MCM3AP: variants seen among roughly 807,000 people sequenced by gnomAD.
The protein encoded by MCM3AP is minichromosome maintenance complex component 3 associated protein, also known as germinal-center associated nuclear protein.
In MCM3AP, 126 loss-of-function variants were observed where a neutral mutation model predicts 184.1. The observed-to-expected ratio is 0.68, with a 90% confidence interval of 0.59 to 0.79. MCM3AP has a LOEUF of 0.79. Among genes scored for constraint, MCM3AP ranks in the 30% least tolerant of loss-of-function variants. MCM3AP has a pLI of 0.00. For synonymous variants in MCM3AP, 1,002 were observed against 979.3 expected (o/e 1.02, Z -0.43); for missense variants, 2,496 against 2,479.2 (o/e 1.01, Z -0.14).
At chr21:46,273,686 A>G (rs1478247254) in intron 6 of MCM3AP, 101 bp from the exon 7 acceptor site, 4 of 772,316 alleles carry the variant, frequency 5.2e-6, no homozygotes, top group East Asian at 5.1e-5. Flanking sequence ...ACACCCACAC[A>G]AGATCAGTAT....
At chr21:46,246,493 T>A in intron 21 of MCM3AP, 89 bp from the exon 22 acceptor site, 1 of 1,401,566 alleles carries the variant, frequency 7.1e-7, no homozygotes, top group Non-Finnish European at 1.0e-6. Context: ...CACCCAGTCC[T>A]GCAGTGGACA....
chr21:46,279,884 T>G, intron 4 of MCM3AP, 109 bp downstream of exon 4: 1 of 1,134,046 alleles, frequency 8.8e-7, no homozygotes, highest in Non-Finnish European at 1.2e-6. Context: ...GCAACTGGCT[T>G]TTGTCTCCTC....
At chr21:46,259,904 C>CAAAAAAAAAA (rs58993039) in intron 15 of MCM3AP, among the ~76,000 whole-genome samples, 1 of 80,268 alleles carries the variant, frequency 1.2e-5, no homozygotes, top group African/African-American at 5.2e-5. Context: ...AACTCCATTT[C>CAAAAAAAAAA]AAAAAAAAAA....
intron 9 of MCM3AP, 124 bp from the exon 10 acceptor site, chr21:46,267,266 A>G (rs2081125429): frequency 2.2e-6 from 2 of 894,124 alleles, no homozygotes; most frequent in African/African-American, 3.3e-5. Flanking sequence ...TGAGTCCACC[A>G]GAAGGCGCTT....
Position 46,265,312 on chromosome 21 carries a change from A to T in MCM3AP, c.3234+9T>A. On this transcript the variant is annotated intron_variant, in intron 12 of 27. Coordinates refer to ENST00000291688, the MANE Select transcript of MCM3AP (RefSeq NM_003906.5). ...CCAGAGTCCAGACCTAGAAAAAAAG[A>T]GTCCCTACCTCGTCAGAGTACATGG... The T allele has an allele frequency of 1.9e-6, 3 of 1,613,258 alleles. No individual in the cohort carries two copies. The South Asian group carries it at 3.3e-5, about 18-fold the overall frequency.
chr21:46,246,026 G>A (rs2080760136), intron 22 of MCM3AP, among the ~76,000 whole-genome samples: 3 of 152,282 alleles, frequency 2.0e-5, no homozygotes, highest in Admixed American at 2.0e-4. Flanking sequence ...TTCTGCTTAT[G>A]TTTTTAGAAA....
rs141264232 is a variant in MCM3AP, at chr21:46,277,777, A to G, written c.1668-60T>C. On this transcript the variant is annotated intron_variant, in intron 4 of 27. Transcript: ENST00000291688. ...CCAGGAAGGCCTTCAGAGCATTTTC[A>G]TTTCTGAACACGTCCCCTCATCTTT... is the stretch of plus-strand genomic sequence containing the variant. The G allele has an allele frequency of 2.7e-5, 27 of 1,008,658 alleles. No individual in the cohort carries two copies. The East Asian group carries it at 5.9e-4, about 22-fold the overall frequency. The allele number at this position is 1,008,658 out of a possible 1,614,324, so 62.5% of individuals were successfully genotyped here. A position where few individuals can be genotyped will look rare whatever the true frequency, so the allele number is the denominator to read the frequency against.
At chr21:46,265,245 T>G (rs2081093991) in intron 12 of MCM3AP, 76 bp downstream of exon 12, 1 of 1,396,888 alleles carries the variant, frequency 7.2e-7, no homozygotes. Context: ...CAGCCCCACC[T>G]CATGGGGTGA....
rs1569086364 is a variant in MCM3AP at position 46,284,787 on chromosome 21, G to A, written c.500C>T (p.Thr167Ile). Residue 167 changes from threonine to isoleucine, a missense_variant, in exon 1 of 28, where the codon ACC becomes ATC. Physicochemically the swap from Thr to Ile is moderately conservative, Grantham distance 89 (BLOSUM62 -1). Coordinates refer to ENST00000291688, the MANE Select transcript of MCM3AP (RefSeq NM_003906.5). ...ILGAESEPEK[T>I]QSQIASGFFT... ...AAACCCAGAAGCAATTTGGCTCTGG[G>A]TTTTCTCTGGCTCAGATTCAGCCCC... 2 of 1,613,710 alleles carry A rather than the reference G, an allele frequency of 1.2e-6. No homozygotes were observed. Among genetic ancestry groups the A allele is most frequent in the African/African-American group, 2.7e-5 (2 of 75,004 alleles).
At chr21:46,244,734 G>A in intron 23 of MCM3AP, 73 bp downstream of exon 23, 1 of 1,497,974 alleles carries the variant, frequency 6.7e-7, no homozygotes, top group Non-Finnish European at 9.0e-7. Context: ...CTGCCAGACG[G>A]TTACTACAGT....
intron 3 of MCM3AP, 52 bp downstream of exon 3, chr21:46,280,440 TATAAA>T: frequency 7.6e-7 from 1 of 1,316,962 alleles, no homozygotes; most frequent in Non-Finnish European, 1.1e-6. Flanking sequence ...ATCTCATCTC[TATAAA>T]ATAAATAAAA....
intron 27 of MCM3AP, 41 bp downstream of exon 27, chr21:46,236,788 T>G: frequency 7.1e-7 from 1 of 1,407,292 alleles, no homozygotes. Context: ...CTCTCAATCT[T>G]TAATTCTTAT....
At chr21:46,271,765 G>A (rs1490728211) in intron 8 of MCM3AP, among the ~76,000 whole-genome samples, 1 of 151,954 alleles carries the variant, frequency 6.6e-6, no homozygotes, top group Non-Finnish European at 1.5e-5. Flanking sequence ...GGAGACTGAG[G>A]CAAGAGAATC....
Position 46,285,027 on chromosome 21 carries a change from A to C in MCM3AP, c.260T>G (p.Leu87Arg). The C allele has an allele frequency of 6.2e-7, 1 of 1,614,214 alleles. No individual in the cohort carries two copies. The highest frequency in any genetic ancestry group is 8.5e-7 in the Non-Finnish European group (1 of 1,180,042). ...QTSSVGPFSGLEHTSTFVATS... is the reference protein window; with the variant it reads ...QTSSVGPFSGREHTSTFVATS... ...AGCCACAAAGGTGGAAGTGTGCTCAAGTCCAGAAAAGGGTCCAACACTTGA... is the reference window on the plus strand; with the variant it reads ...AGCCACAAAGGTGGAAGTGTGCTCACGTCCAGAAAAGGGTCCAACACTTGA... The change falls in exon 1 of 28, where the codon CTT becomes CGT. Residue 87 changes from leucine (L) to arginine (R), a missense_variant. Physicochemically the swap from Leu to Arg is moderately radical, Grantham distance 102 (BLOSUM62 -2). Around this residue, in one of 5 missense-constraint regions of MCM3AP, gnomAD observed 800 missense variants for 717.1 expected, o/e 1.12. Coordinates refer to ENST00000291688, the MANE Select transcript of MCM3AP (RefSeq NM_003906.5).
chr21:46,275,093 G>A (rs1208554546), intron 6 of MCM3AP, 93 bp downstream of exon 6: 3 of 1,398,810 alleles, frequency 2.1e-6, no homozygotes, highest in East Asian at 5.1e-5. Flanking sequence ...ACCCAACACT[G>A]TCTAAAACAA....
chr21:46,236,791 A>G, intron 27 of MCM3AP, 38 bp downstream of exon 27: 5 of 1,421,604 alleles, frequency 3.5e-6, no homozygotes, highest in Non-Finnish European at 4.7e-6. Flanking sequence ...TCAATCTTTA[A>G]TTCTTATGTA....
In MCM3AP at chr21:46,272,723, G is replaced by T. The variant is rs1283244633; in HGVS notation, c.2303C>A (p.Ser768Tyr). The change falls in exon 8 of 28, where the codon TCC (serine) becomes TAC (tyrosine). Residue 768 changes from serine (S) to tyrosine (Y), a missense_variant. This residue lies in a region of MCM3AP where 105 missense variants were observed against 97.1 expected (regional missense o/e 1.08). Coordinates refer to ENST00000291688, the MANE Select transcript of MCM3AP (RefSeq NM_003906.5). The part of the protein sequence containing the change: ...CAHFMCEEPM[S>Y]SFDAKINNEN... ...ATTATTGATCTTGGCATCAAAGGAG[G>T]ACATGGGCTCCTCACACATGAAGTG... 6.2e-7 allele frequency: 1 copy of T among 1,613,992 alleles called. No individual in the cohort carries two copies. The highest frequency in any genetic ancestry group is 8.5e-7 in the Non-Finnish European group (1 of 1,179,984).
chr21:46,265,692 A>G (rs537765734), intron 11 of MCM3AP, among the ~76,000 whole-genome samples, 169 bp from the exon 12 acceptor site: 1 of 152,194 alleles, frequency 6.6e-6, no homozygotes, highest in Admixed American at 6.5e-5. Context: ...TGCATGAAAA[A>G]CAAGCCCCAG....
Position 46,280,066 on chromosome 21 carries a change from C to A in MCM3AP, c.1594G>T (p.Asp532Tyr), listed in dbSNP as rs762553193. The change falls in exon 4 of 28, where the codon GAT becomes TAT. Residue 532 changes from aspartate to tyrosine, a missense_variant. Around this residue, in one of 5 missense-constraint regions of MCM3AP, gnomAD observed 800 missense variants for 717.1 expected, o/e 1.12. Transcript: ENST00000291688. Reference protein sequence around the residue: ...GDGEVSPSTEDAPFQHSPLGK... With the variant: ...GDGEVSPSTEYAPFQHSPLGK... ...AGAGGAGAGTGCTGAAAGGGTGCAT[C>A]CTCTGTGCTCGGGCTGACTTCACCG... 2 of 1,614,168 alleles carry A rather than the reference C, an allele frequency of 1.2e-6. No individual in the cohort carries two copies. The highest frequency in any genetic ancestry group is 1.7e-6 in the Non-Finnish European group (2 of 1,179,998).
Sources: allele counts gnomAD v4.1 joint callset (sites outside exome capture counted in the v4.1 genomes callset), GRCh38; gene constraint gnomAD v4.1.1; regional missense constraint gnomAD v4.1.1; transcripts MANE v1.5; gene names NCBI Gene and HGNC (gene_info 2026-07-23, HGNC 2026-07-21).